Variants in BICC1 observed in about 807,000 individuals in gnomAD.
BICC1 encodes the protein protein bicaudal C homolog 1.
In BICC1, 43 loss-of-function variants were observed where a neutral mutation model predicts 111.0. The ratio of observed to expected loss-of-function variants is 0.39; its 90% CI spans 0.30 to 0.50. BICC1 has a LOEUF of 0.50. Ranked by LOEUF, BICC1 falls within the 20% of genes least tolerant of loss-of-function variation. The pLI, the probability that BICC1 is intolerant of heterozygous loss-of-function variation, is 0.88. For missense variants in BICC1, 1,091 were observed against 1,203.2 expected (o/e 0.91, Z 1.38); for synonymous variants, 467 against 434.4 (o/e 1.07, Z -0.93).
chr10:58,576,255 G>A (rs993052261), intron 1 of BICC1, among the ~76,000 whole-genome samples: 6 of 152,092 alleles, frequency 3.9e-5, no homozygotes, highest in African/African-American at 1.2e-4. Flanking sequence ...GATACTTTTT[G>A]TATGGCGTAC....
intron 2 of BICC1, among the ~76,000 whole-genome samples, chr10:58,682,391 G>C (rs1839557077): frequency 6.6e-6 from 1 of 152,126 alleles, no homozygotes. Context: ...CTAGTAATAG[G>C]ATGGCTGGGT....
intron 1 of BICC1, among the ~76,000 whole-genome samples, chr10:58,609,202 T>C (rs1007420464): frequency 6.6e-6 from 1 of 152,160 alleles, no homozygotes; most frequent in African/African-American, 2.4e-5. Context: ...ATGTTACATA[T>C]TTTATTCAAA....
At chr10:58,520,449 A>T (rs1439847015) in intron 1 of BICC1, among the ~76,000 whole-genome samples, 1 of 152,158 alleles carries the variant, frequency 6.6e-6, no homozygotes, top group Non-Finnish European at 1.5e-5. Context: ...ATACATTTGT[A>T]AATCCTTTTC....
At chr10:58,675,968 G>A (rs1006865291) in intron 2 of BICC1, among the ~76,000 whole-genome samples, 1 of 152,204 alleles carries the variant, frequency 6.6e-6, no homozygotes, top group African/African-American at 2.4e-5. Flanking sequence ...TAGACAGTGG[G>A]TGCAGCCCAC....
intron 1 of BICC1, among the ~76,000 whole-genome samples, chr10:58,612,497 A>G (rs911747612): frequency 3.3e-5 from 5 of 152,146 alleles, no homozygotes; most frequent in South Asian, 2.1e-4. Context: ...ATTTTGTGTA[A>G]AATATTTTTG....
rs141934546 is a variant in BICC1 at position 58,697,105 on chromosome 10, G to A, written c.238-4969G>A. ...CATTTCACACAACTGGGAGGCATCA[G>A]CGTCATATTTTGGGTGGGGAATGAC... On this transcript the variant is annotated intron_variant, in intron 2 of 20. Transcript: ENST00000373886. Among the ~76,000 whole-genome samples the A allele has an allele frequency of 3.2e-3, 493 of 152,314 alleles. 2 individuals carry two copies. Among genetic ancestry groups the A allele is most frequent in the African/African-American group, 0.011 (462 of 41,560 alleles).
chr10:58,729,361 A>G (rs1352583273), intron 3 of BICC1, among the ~76,000 whole-genome samples: 1 of 152,212 alleles, frequency 6.6e-6, no homozygotes, highest in African/African-American at 2.4e-5. Context: ...CTTAAACTTT[A>G]TGAACCTGTC....
chr10:58,610,606 A>G (rs1476551644), intron 1 of BICC1, among the ~76,000 whole-genome samples: 1 of 145,526 alleles, frequency 6.9e-6, no homozygotes, highest in Non-Finnish European at 1.5e-5. Flanking sequence ...TGGATAATCT[A>G]TCTAGCTCTT....
intron 1 of BICC1, among the ~76,000 whole-genome samples, chr10:58,549,616 A>AT (rs35864057): frequency 3.7e-4 from 53 of 143,024 alleles, no homozygotes; most frequent in South Asian, 1.1e-3. Flanking sequence ...GTCTGTTCAG[A>AT]TTTTTTTTTT....
At chr10:58,573,125 C>G (rs989452646) in intron 1 of BICC1, among the ~76,000 whole-genome samples, 2 of 152,104 alleles carry the variant, frequency 1.3e-5, no homozygotes, top group South Asian at 4.1e-4. Context: ...TTGGCTCTCT[C>G]CCATTCTGCC....
At chr10:58,577,658 A>G (rs1844152021) in intron 1 of BICC1, among the ~76,000 whole-genome samples, 2 of 152,166 alleles carry the variant, frequency 1.3e-5, no homozygotes. Flanking sequence ...ATATTGCAAT[A>G]CTTTCTGGAT....
At chr10:58,706,458 T>C (rs1407745328) in intron 3 of BICC1, among the ~76,000 whole-genome samples, 1 of 152,206 alleles carries the variant, frequency 6.6e-6, no homozygotes, top group African/African-American at 2.4e-5. Flanking sequence ...TTTCTCACAG[T>C]CTTCTTTTGC....
chr10:58,823,068 A>T (rs887445956), intron 20 of BICC1, among the ~76,000 whole-genome samples: 2 of 147,014 alleles, frequency 1.4e-5, no homozygotes, highest in African/African-American at 2.5e-5. Context: ...CCCCAAATCC[A>T]CTTTTTTTTT....
chr10:58,601,173 T>TATATA (rs752405472), intron 1 of BICC1, among the ~76,000 whole-genome samples: 1 of 131,084 alleles, frequency 7.6e-6, no homozygotes, highest in Non-Finnish European at 1.6e-5. Context: ...TATATATATC[T>TATATA]CCCAATAAAA....
At chr10:58,732,610 G>A (rs1296568587) in intron 3 of BICC1, among the ~76,000 whole-genome samples, 1 of 151,144 alleles carries the variant, frequency 6.6e-6, no homozygotes, top group African/African-American at 2.4e-5. Flanking sequence ...GTGAAACCCT[G>A]TCTCTACAAA....
chr10:58,791,742 A>T (rs1843186183), intron 8 of BICC1, among the ~76,000 whole-genome samples: 2 of 152,128 alleles, frequency 1.3e-5, no homozygotes, highest in Admixed American at 1.3e-4. Flanking sequence ...TCCGTTTAAA[A>T]AAAAAAATCA....
At chr10:58,769,376 ATGTGTGTGTGTGTG>A (rs71006205) in intron 3 of BICC1, among the ~76,000 whole-genome samples, 1 of 73,324 alleles carries the variant, frequency 1.4e-5, no homozygotes, top group African/African-American at 3.9e-5. Context: ...TTTATAATGT[ATGTGTGTGTGTGTG>A]TGTGTGTGTG....
intron 18 of BICC1, among the ~76,000 whole-genome samples, chr10:58,816,294 GT>G (rs1844085119): frequency 1.3e-5 from 2 of 152,062 alleles, no homozygotes; most frequent in Admixed American, 1.3e-4. Context: ...TCCTCAAACT[GT>G]TTTTATGACT....
intron 3 of BICC1, among the ~76,000 whole-genome samples, chr10:58,763,971 A>G (rs549072735): frequency 6.6e-6 from 1 of 152,268 alleles, no homozygotes; most frequent in South Asian, 2.1e-4. Flanking sequence ...CTAACAAGGA[A>G]TATCAAATGA....
Sources: allele counts gnomAD v4.1 joint callset (sites outside exome capture counted in the v4.1 genomes callset), GRCh38; gene constraint gnomAD v4.1.1; transcripts MANE v1.5; gene names NCBI Gene and HGNC (gene_info 2026-07-23, HGNC 2026-07-21).